Variants in GRPR observed in about 807,000 individuals in gnomAD.
GRPR encodes the protein gastrin-releasing peptide receptor.
In GRPR, 4 loss-of-function variants were observed where a neutral mutation model predicts 15.6. That is an observed-to-expected ratio of 0.26 (90% confidence interval 0.13 to 0.59). The LOEUF (loss-of-function observed/expected upper bound fraction) is 0.59. Ranked by LOEUF, GRPR falls within the 20% of genes least tolerant of loss-of-function variation. The probability of loss-of-function intolerance (pLI) is 0.90; values close to 1 mark genes in which losing one functional copy is unlikely to be tolerated. For missense variants in GRPR, 270 were observed against 304.1 expected, an observed-to-expected ratio of 0.89 and a Z score of 0.83; for synonymous variants, 128 against 126.8, an observed-to-expected ratio of 1.01 and a Z score of -0.06.
intron 1 of GRPR, among the ~76,000 whole-genome samples, chrX:16,144,868 CAAGTCACATACT>C (rs1922582247): frequency 8.9e-6 from 1 of 111,913 alleles, no homozygotes; most frequent in Non-Finnish European, 1.9e-5. Flanking sequence ...GACACAACGG[CAAGTCACATACT>C]AATCATCAAT....
Position 16,152,522 on chromosome X carries a change from G to T in GRPR, c.1032G>T (p.Leu344=). The change falls in exon 3 of 3, where the codon CTG becomes CTT. Residue 344 remains leucine, a synonymous_variant. Transcript: ENST00000380289. ...NTQLLCCQPG[L]IIRSHSTGRS... ...AGCTGCTCTGTTGCCAGCCTGGCCT[G>T]ATCATCCGGTCTCACAGCACTGGAA... 8.3e-7 allele frequency: 1 copy of T among 1,210,429 alleles called. No homozygotes were observed. Among genetic ancestry groups the T allele is most frequent in the Non-Finnish European group, 1.1e-6 (1 of 894,151 alleles).
At chrX:16,147,477 GA>G (rs1254330107) in intron 1 of GRPR, among the ~76,000 whole-genome samples, 1 of 110,533 alleles carries the variant, frequency 9.0e-6, no homozygotes, top group Non-Finnish European at 1.9e-5. Context: ...TATATTTGTT[GA>G]AAAAAAATGG....
chrX:16,142,154 A>G (rs1922538832), intron 1 of GRPR, among the ~76,000 whole-genome samples: 1 of 112,294 alleles, frequency 8.9e-6, no homozygotes, highest in African/African-American at 3.2e-5. Flanking sequence ...CTAATCAGAT[A>G]TGACACATTC....
chrX:16,146,789 A>G (rs985879727), intron 1 of GRPR, among the ~76,000 whole-genome samples: 2 of 112,222 alleles, frequency 1.8e-5, no homozygotes, highest in African/African-American at 6.5e-5. Flanking sequence ...AACATTTTGT[A>G]TGTTCTACAT....
rs34159776 is a variant in GRPR, at chrX:16,152,501, G to C, written c.1011G>C (p.Leu337=). The C allele has an allele frequency of 2.4e-3, 2,957 of 1,209,301 alleles. 35 individuals carry two copies. In the African/African-American group the frequency reaches 0.03, roughly 12 times the overall value. ...TCAGGAAACAGTTCAACACTCAGCT[G>C]CTCTGTTGCCAGCCTGGCCTGATCA... ...KSFRKQFNTQ[L]LCCQPGLIIR... is the part of the protein sequence containing the mutation. Residue 337 remains leucine, a synonymous_variant, in exon 3 of 3, where the codon CTG becomes CTC. Transcript: ENST00000380289.
chrX:16,128,263 C>T (rs1922323405), intron 1 of GRPR, among the ~76,000 whole-genome samples: 1 of 112,170 alleles, frequency 8.9e-6, no homozygotes, highest in Non-Finnish European at 1.9e-5. Context: ...GCCTGTAATC[C>T]CAGCACTTTG....
At chrX:16,143,437 A>C (rs1158270298) in intron 1 of GRPR, among the ~76,000 whole-genome samples, 2 of 112,990 alleles carry the variant, frequency 1.8e-5, no homozygotes, top group Non-Finnish European at 3.7e-5. Context: ...AATGAAGAAA[A>C]GGAGCCAAAA....
At chrX:16,142,907 T>C (rs1359442896) in intron 1 of GRPR, among the ~76,000 whole-genome samples, 1 of 110,070 alleles carries the variant, frequency 9.1e-6, no homozygotes, top group Non-Finnish European at 1.9e-5. Flanking sequence ...TCTCCATCTT[T>C]TCTGTCTTCT....
In GRPR at chrX:16,132,671, T is replaced by G. The variant is rs139212223; in HGVS notation, c.413+8305T>G. On this transcript the variant is annotated intron_variant, in intron 1 of 2. Coordinates refer to ENST00000380289, the MANE Select transcript of GRPR (RefSeq NM_005314.3). ...AATTGTCTTTTTATTAATGAGAGAT[T>G]AGAAAAACTTTCTTTCAACTTCATA... 7.1e-3 allele frequency among the ~76,000 whole-genome samples: 791 copies of G among 111,554 alleles called. 11 individuals carry two copies. The highest frequency in any genetic ancestry group is 0.025 in the African/African-American group (763 of 30,789).
intron 1 of GRPR, among the ~76,000 whole-genome samples, chrX:16,132,071 C>G (rs1251907273): frequency 8.9e-6 from 1 of 112,556 alleles, no homozygotes; most frequent in Non-Finnish European, 1.9e-5. Flanking sequence ...AGTCCCTAAC[C>G]TGTAGTAGGT....
chrX:16,134,106 C>T (rs1166407963), intron 1 of GRPR, among the ~76,000 whole-genome samples: 2 of 111,857 alleles, frequency 1.8e-5, no homozygotes, highest in Admixed American at 9.5e-5. Context: ...ACCTCTGTTA[C>T]TGAGAAGTAT....
At chrX:16,140,458 G>A (rs1471408867) in intron 1 of GRPR, among the ~76,000 whole-genome samples, 1 of 111,392 alleles carries the variant, frequency 9.0e-6, no homozygotes, top group African/African-American at 3.3e-5. Flanking sequence ...CATAGTGAGG[G>A]TGTCCATATC....
intron 1 of GRPR, among the ~76,000 whole-genome samples, chrX:16,137,907 G>A (rs1922473361): frequency 1.8e-5 from 2 of 111,350 alleles, no homozygotes; most frequent in South Asian, 3.8e-4. Flanking sequence ...AATAAAGTAG[G>A]CAGAAAATGA....
At chrX:16,125,736 C>T (rs750569971) in intron 1 of GRPR, among the ~76,000 whole-genome samples, 2 of 112,041 alleles carry the variant, frequency 1.8e-5, no homozygotes, top group Non-Finnish European at 3.8e-5. Flanking sequence ...AAGGTTTGCA[C>T]ATTGTACCGA....
At chrX:16,146,506 A>C (rs1459438856) in intron 1 of GRPR, among the ~76,000 whole-genome samples, 1 of 111,408 alleles carries the variant, frequency 9.0e-6, no homozygotes, top group Non-Finnish European at 1.9e-5. Context: ...TTGACATCAA[A>C]ATCTTATATT....
chrX:16,147,235 A>G (rs1423468194), intron 1 of GRPR, among the ~76,000 whole-genome samples: 3 of 112,066 alleles, frequency 2.7e-5, no homozygotes, highest in Non-Finnish European at 3.8e-5. Context: ...TTTATAAACA[A>G]GGTCTTTTAA....
intron 1 of GRPR, among the ~76,000 whole-genome samples, chrX:16,145,509 G>A (rs1255847344): frequency 8.9e-6 from 1 of 112,111 alleles, no homozygotes; most frequent in Non-Finnish European, 1.9e-5. Flanking sequence ...AGGGTAGTGG[G>A]ATAGGCGGGA....
intron 1 of GRPR, among the ~76,000 whole-genome samples, chrX:16,148,526 A>T (rs1922640529): frequency 9.0e-6 from 1 of 111,581 alleles, no homozygotes; most frequent in African/African-American, 3.3e-5. Context: ...GGAAATAAGT[A>T]TTCCCCTTCC....
intron 1 of GRPR, among the ~76,000 whole-genome samples, chrX:16,148,094 T>C (rs1352569029): frequency 8.9e-6 from 1 of 111,944 alleles, no homozygotes; most frequent in Non-Finnish European, 1.9e-5. Flanking sequence ...TACAGGTACA[T>C]TGAAGCAGGA....
Sources: gnomAD v4.1 joint callset for allele counts (sites outside exome capture counted in the v4.1 genomes callset) on GRCh38, gnomAD v4.1.1 for gene constraint, MANE v1.5 for transcripts, NCBI Gene and HGNC (gene_info 2026-07-23, HGNC 2026-07-21) for gene names.